MARCHF10: variants seen among roughly 807,000 people sequenced by gnomAD.
MARCHF10 encodes the protein probable E3 ubiquitin-protein ligase MARCHF10.
In MARCHF10, 64 loss-of-function variants were observed where a neutral mutation model predicts 76.2. The observed-to-expected ratio is 0.84, with a 90% CI of 0.69 to 1.03. The LOEUF is 1.03. MARCHF10 is among the 50% of genes least tolerant of loss of function. The pLI is 0.00. For missense variants in MARCHF10, 875 were observed against 958.0 expected (o/e 0.91, Z 1.14); for synonymous variants, 340 against 357.5 (o/e 0.95, Z 0.55).
intron 3 of MARCHF10, among the ~76,000 whole-genome samples, chr17:62,769,967 C>A (rs1568185253): frequency 6.6e-6 from 1 of 152,016 alleles, no homozygotes; most frequent in Non-Finnish European, 1.5e-5. Context: ...GGGTATATTG[C>A]ACCAGGTCAT....
At chr17:62,722,458 C>T in intron 8 of MARCHF10, 30 bp downstream of exon 8, 1 of 1,511,908 alleles carries the variant, frequency 6.6e-7, no homozygotes, top group Non-Finnish European at 9.2e-7. Context: ...ATACTTTAAC[C>T]TGTGGAGGCA....
intron 7 of MARCHF10, among the ~76,000 whole-genome samples, chr17:62,722,907 TAA>T (rs2090561477): frequency 6.6e-6 from 1 of 152,010 alleles, no homozygotes; most frequent in South Asian, 2.1e-4. Context: ...GCACAGAGGC[TAA>T]GAGTCTGTAA....
intron 2 of MARCHF10, among the ~76,000 whole-genome samples, chr17:62,789,080 A>C (rs985864446): frequency 1.1e-4 from 16 of 150,362 alleles, no homozygotes; most frequent in South Asian, 2.1e-4. Context: ...AAAAAAAAAA[A>C]AAAAAAAAAA....
chr17:62,762,658 G>A (rs990863445), intron 3 of MARCHF10, among the ~76,000 whole-genome samples: 3 of 151,932 alleles, frequency 2.0e-5, no homozygotes, highest in Admixed American at 6.6e-5. Context: ...GCAATTCTCC[G>A]GCCTCAGCCT....
intron 3 of MARCHF10, among the ~76,000 whole-genome samples, chr17:62,760,766 T>C (rs2092178745): frequency 6.6e-6 from 1 of 152,274 alleles, no homozygotes; most frequent in Non-Finnish European, 1.5e-5. Flanking sequence ...TAGGTCCTGG[T>C]GTTGGTATGA....
At chr17:62,788,710 G>T in intron 2 of MARCHF10, 111 bp from the exon 3 acceptor site, 2 of 1,399,256 alleles carry the variant, frequency 1.4e-6, no homozygotes, top group South Asian at 2.5e-5. Flanking sequence ...GCATCTCCAG[G>T]TGTTCATCAA....
intron 4 of MARCHF10, among the ~76,000 whole-genome samples, chr17:62,751,365 G>A (rs915845722): frequency 9.9e-5 from 15 of 152,074 alleles, no homozygotes; most frequent in African/African-American, 3.6e-4. Context: ...CAGCCACATC[G>A]ATGTCACCTG....
rs557029821 is a variant in MARCHF10, at chr17:62,801,283, C to T, written c.90+363G>A. Among the ~76,000 whole-genome samples the T allele has an allele frequency of 3.3e-5, 5 of 152,112 alleles. 1 individual carries two copies. In the South Asian group the frequency reaches 1.0e-3, roughly 32 times the overall value. The stretch of plus-strand genomic sequence containing the variant: ...AAGCGATTCTCCTGCCTCAGCCTCC[C>T]GAGTAGCTGGGACTACAGTGCCACC... On this transcript the variant is annotated intron_variant, in intron 2 of 10. Transcript: ENST00000311269.
In MARCHF10 at chr17:62,759,955, A is replaced by G. The variant is rs758109892; in HGVS notation, c.262T>C (p.Ser88Pro). ...LTEPRSSIKI[S>P]AFKCDSKLPA... ...AGTTTGGAGTCACACTTAAATGCAG[A>G]TATCTTGATAGATGACCTTGGTTCA... The change falls in exon 4 of 11, where the codon TCT (serine) becomes CCT (proline). Residue 88 changes from serine (S) to proline (P), a missense_variant. Coordinates refer to ENST00000311269, the MANE Select transcript of MARCHF10 (RefSeq NM_152598.4). The G allele has an allele frequency of 1.9e-6, 3 of 1,613,984 alleles. No homozygotes were observed. Among genetic ancestry groups the G allele is most frequent in the Admixed American group, 1.7e-5 (1 of 59,984 alleles).
rs74582454 is a variant in MARCHF10 at position 62,749,569 on chromosome 17, G to A, written c.383-5041C>T. The stretch of plus-strand genomic sequence containing the variant: ...TGTGCAGTCACAAATAATAGGTCGC[G>A]TCTATTTGCCTATTTGAGTGTGCGA... On this transcript the variant is annotated intron_variant, in intron 4 of 10. Coordinates refer to ENST00000311269, the MANE Select transcript of MARCHF10 (RefSeq NM_152598.4). Among the ~76,000 whole-genome samples, 154 of 152,316 alleles carry A rather than the reference G, an allele frequency of 1.0e-3. No individual in the cohort carries two copies. The East Asian group carries it at 0.026, about 25-fold the overall frequency.
In MARCHF10 at chr17:62,712,520, CTCTTCCT is replaced by C; in HGVS notation, c.2215-1183_2215-1177del. Among the ~76,000 whole-genome samples, 1 of 152,296 alleles carries C rather than the reference CTCTTCCT, an allele frequency of 6.6e-6. No homozygotes were observed. The highest frequency in any genetic ancestry group is 2.4e-5 in the African/African-American group (1 of 41,568). ...CAGAAGTTGAGCAAGGATTGATATG[CTCTTCCT>C]TCTGAATCAGGGCCAACTCTGGATC... On this transcript the variant is annotated intron_variant, in intron 8 of 10. Transcript: ENST00000311269. This position sits in a 1 kb window ranked among gnomAD's most constrained non-coding sequence, Gnocchi z 4.2.
intron 3 of MARCHF10, among the ~76,000 whole-genome samples, chr17:62,777,713 C>CAGAA (rs2092577063): frequency 1.7e-5 from 1 of 59,664 alleles, no homozygotes; most frequent in Non-Finnish European, 3.1e-5. Context: ...GACTCCATCT[C>CAGAA]AAAAAAAAAA....
At chr17:62,764,638 C>A (rs1209767830) in intron 3 of MARCHF10, among the ~76,000 whole-genome samples, 1 of 152,194 alleles carries the variant, frequency 6.6e-6, no homozygotes, top group Non-Finnish European at 1.5e-5. Context: ...AAAGCCCACA[C>A]TCAAATTGTG....
chr17:62,743,230 T>C (rs2147855086), intron 5 of MARCHF10, among the ~76,000 whole-genome samples: 1 of 152,342 alleles, frequency 6.6e-6, no homozygotes, highest in African/African-American at 2.4e-5. Flanking sequence ...GCAGAAGGCA[T>C]TGATCACTGG....
chr17:62,713,474 T>C (rs1599055104), intron 8 of MARCHF10, among the ~76,000 whole-genome samples: 1 of 152,212 alleles, frequency 6.6e-6, no homozygotes, highest in Admixed American at 6.5e-5. Context: ...CTCTGATCTG[T>C]GGGAGGGAAC....
At chr17:62,792,729 ACCATCACCACCACCACCT>A (rs1568217887) in intron 2 of MARCHF10, among the ~76,000 whole-genome samples, 10 of 139,602 alleles carry the variant, frequency 7.2e-5, no homozygotes, top group South Asian at 2.4e-4. Context: ...CACCACCACC[ACCATCACCACCACCACCT>A]CCATCACCAC....
chr17:62,723,163 A>T (rs1437374803), intron 7 of MARCHF10, among the ~76,000 whole-genome samples: 1 of 151,118 alleles, frequency 6.6e-6, no homozygotes, highest in African/African-American at 2.4e-5. Context: ...CATCAGCCTG[A>T]GCTCAGACTC....
intron 3 of MARCHF10, among the ~76,000 whole-genome samples, chr17:62,784,740 A>G (rs146329837): frequency 0.031 from 4,747 of 152,282 alleles, 132 homozygotes; most frequent in Non-Finnish European, 0.043. Flanking sequence ...ACAGACAAAC[A>G]GACAGCCAAA....
chr17:62,702,076 A>G (rs978513882), intron 10 of MARCHF10, among the ~76,000 whole-genome samples: 1 of 152,132 alleles, frequency 6.6e-6, no homozygotes, highest in African/African-American at 2.4e-5. Context: ...GCTTCCTCTC[A>G]GGGTAAGGCC....
Sources: allele counts gnomAD v4.1 joint callset (sites outside exome capture counted in the v4.1 genomes callset), GRCh38; gene constraint gnomAD v4.1.1; non-coding constraint Gnocchi (gnomAD v3.1); transcripts MANE v1.5; gene names NCBI Gene and HGNC (gene_info 2026-07-23, HGNC 2026-07-21).